The following ENTREP2 variants were observed in gnomAD, a reference collection of about 807,000 sequenced individuals.
The protein encoded by ENTREP2 is endosomal transmembrane epsin interactor 2.
At chr15:29,392,273 T>C in the ENTREP2 span, among the ~76,000 whole-genome samples, 1 of 152,290 alleles carries the variant, frequency 6.6e-6, no homozygotes, top group African/African-American at 2.4e-5. Context: ...GTAATAGTTT[T>C]ATTTCATGCT....
chr15:29,142,344 G>A, the ENTREP2 span, among the ~76,000 whole-genome samples: 4 of 152,216 alleles, frequency 2.6e-5, no homozygotes, highest in African/African-American at 7.2e-5. Context: ...AAAAACGATT[G>A]TGTGTCCACA....
the ENTREP2 span, among the ~76,000 whole-genome samples, chr15:29,501,552 T>C: frequency 1.3e-5 from 2 of 151,978 alleles, no homozygotes; most frequent in African/African-American, 4.8e-5. Flanking sequence ...AACCAATAGC[T>C]AACATCATAC....
At chr15:29,236,533 T>C in the ENTREP2 span, among the ~76,000 whole-genome samples, 1 of 151,926 alleles carries the variant, frequency 6.6e-6, no homozygotes, top group African/African-American at 2.4e-5. Context: ...CCTGTAGTCC[T>C]ACCTACTCAG....
chr15:29,147,734 A>C, the ENTREP2 span, among the ~76,000 whole-genome samples: 33 of 152,238 alleles, frequency 2.2e-4, no homozygotes, highest in Non-Finnish European at 1.5e-4. Context: ...TTTGGAAAAC[A>C]ATCTTGCAGT....
the ENTREP2 span, among the ~76,000 whole-genome samples, chr15:29,663,561 T>A: frequency 6.6e-6 from 1 of 152,108 alleles, no homozygotes; most frequent in African/African-American, 2.4e-5. Flanking sequence ...ATGTCCTTTG[T>A]AGGGACATGG....
chr15:29,493,364 A>G, the ENTREP2 span, among the ~76,000 whole-genome samples: 1 of 150,726 alleles, frequency 6.6e-6, no homozygotes, highest in Non-Finnish European at 1.5e-5. Flanking sequence ...CGATCTCCTG[A>G]CCTCGTGATC....
At chr15:29,348,121 A>T in the ENTREP2 span, among the ~76,000 whole-genome samples, 1 of 152,360 alleles carries the variant, frequency 6.6e-6, no homozygotes, top group South Asian at 2.1e-4. Context: ...TTGAAAAAAC[A>T]TCAACTTTTA....
chr15:29,633,867 G>A, the ENTREP2 span, among the ~76,000 whole-genome samples: 1 of 152,248 alleles, frequency 6.6e-6, no homozygotes, highest in East Asian at 1.9e-4. Context: ...GCTGAGGCGA[G>A]AGAATCGCTT....
chr15:29,287,387 AAAAAAAAAAAG>A, the ENTREP2 span, among the ~76,000 whole-genome samples: 4 of 128,770 alleles, frequency 3.1e-5, no homozygotes, highest in African/African-American at 9.6e-5. Flanking sequence ...GACCAGCAAA[AAAAAAAAAAAG>A]AAAAAAAAAA....
chr15:29,424,538 G>A, the ENTREP2 span, among the ~76,000 whole-genome samples: 5 of 152,054 alleles, frequency 3.3e-5, no homozygotes, highest in African/African-American at 7.2e-5. Context: ...CTGGGTAGGC[G>A]CCAACCTCTC....
chr15:29,666,010 C>T, the ENTREP2 span, among the ~76,000 whole-genome samples: 1 of 151,822 alleles, frequency 6.6e-6, no homozygotes. Flanking sequence ...CACACCACCA[C>T]ACCCAGCTAA....
chr15:29,569,475 G>T, the ENTREP2 span: 1 of 152,138 alleles, frequency 6.6e-6, no homozygotes, highest in Non-Finnish European at 1.5e-5. Flanking sequence ...GATTGGTTTG[G>T]ATTTCTGTAG....
the ENTREP2 span, among the ~76,000 whole-genome samples, chr15:29,245,224 T>C: frequency 6.6e-6 from 1 of 152,142 alleles, no homozygotes; most frequent in Non-Finnish European, 1.5e-5. Context: ...CAAGAAAATA[T>C]TTACAATACC....
At chr15:29,304,389 G>T in the ENTREP2 span, among the ~76,000 whole-genome samples, 1 of 152,122 alleles carries the variant, frequency 6.6e-6, no homozygotes, top group Non-Finnish European at 1.5e-5. Context: ...CACACAATCA[G>T]CCATGAAACA....
At chr15:29,656,573 G>C in the ENTREP2 span, among the ~76,000 whole-genome samples, 1 of 152,180 alleles carries the variant, frequency 6.6e-6, no homozygotes, top group Non-Finnish European at 1.5e-5. Flanking sequence ...CAGAAACTTG[G>C]GCCAACACAG....
the ENTREP2 span, among the ~76,000 whole-genome samples, chr15:29,433,873 A>G: frequency 2.6e-5 from 4 of 152,006 alleles, no homozygotes; most frequent in Non-Finnish European, 5.9e-5. Context: ...CTCATAAAGA[A>G]CCAAAAAGCA....
the ENTREP2 span, among the ~76,000 whole-genome samples, chr15:29,255,402 A>G: frequency 3.3e-5 from 5 of 152,232 alleles, no homozygotes; most frequent in African/African-American, 1.2e-4. Flanking sequence ...AAAAGGGAAC[A>G]CTTATACACT....
the ENTREP2 span, chr15:29,268,756 G>C: frequency 6.4e-7 from 1 of 1,563,868 alleles, no homozygotes; most frequent in Middle Eastern, 1.7e-4. Flanking sequence ...TTGGGTCTCA[G>C]ACCCTTGTCC....
At chr15:29,323,037 G>C in the ENTREP2 span, among the ~76,000 whole-genome samples, 1,805 of 152,332 alleles carry the variant, frequency 0.012, 35 homozygotes, top group African/African-American at 0.042. Context: ...AGAAATGGAA[G>C]AAGGAAACAG....
Sources: allele counts gnomAD v4.1 joint callset (sites outside exome capture counted in the v4.1 genomes callset), GRCh38; gene constraint gnomAD v4.1.1; transcripts MANE v1.5; gene names NCBI Gene and HGNC (gene_info 2026-07-23, HGNC 2026-07-21).